Variants in MFSD1 observed in about 807,000 individuals in gnomAD.
The protein encoded by MFSD1 is major facilitator superfamily domain containing 1, also known as lysosomal dipeptide transporter MFSD1.
Under a neutral mutation model 67.1 loss-of-function variants are expected in MFSD1, and 59 were observed. The observed-to-expected ratio is 0.88, with a 90% CI of 0.71 to 1.09. The LOEUF (loss-of-function observed/expected upper bound fraction) is 1.09, where lower values mean the gene tolerates loss of function less well. Ranked by LOEUF, MFSD1 falls within the 50% of genes least tolerant of loss-of-function variation. The probability of loss-of-function intolerance (pLI) is 0.00; values close to 1 mark genes in which losing one functional copy is unlikely to be tolerated. For synonymous variants in MFSD1, 213 were observed against 200.3 expected (o/e 1.06, Z -0.54); for missense variants, 552 against 566.1 (o/e 0.97, Z 0.25).
chr3:158,828,637 C>G (rs1393707051), intron 15 of MFSD1, among the ~76,000 whole-genome samples: 1 of 152,006 alleles, frequency 6.6e-6, no homozygotes, highest in East Asian at 1.9e-4. Context: ...GATAAAAATG[C>G]AAATATAATA....
At chr3:158,823,903 G>A (rs1366677490) in intron 12 of MFSD1, among the ~76,000 whole-genome samples, 2 of 152,130 alleles carry the variant, frequency 1.3e-5, no homozygotes, top group African/African-American at 2.4e-5. Context: ...AATCCACATT[G>A]CACTTAATGA....
chr3:158,816,087 T>TCCTC (rs1273854466), intron 7 of MFSD1, among the ~76,000 whole-genome samples: 2 of 152,054 alleles, frequency 1.3e-5, no homozygotes, highest in African/African-American at 4.8e-5. Context: ...AAGTCTTTGC[T>TCCTC]ATTGTGAATA....
rs771608743 is a variant in MFSD1 at position 158,822,066 on chromosome 3, C to A, written c.1003C>A (p.Leu335Ile). Residue 335 changes from leucine to isoleucine, a missense_variant, in exon 11 of 16, where the codon CTT (leucine) becomes ATT (isoleucine). Leu to Ile is a conservative substitution (Grantham distance 5). Coordinates refer to ENST00000415822, the MANE Select transcript of MFSD1 (RefSeq NM_022736.4). Reference sequence around the variant, plus strand: ...AACAGGGAAGAACATCATCTGGGTTCTTTGCGCAGTAGCAGCCACTCTTGT... The same window carrying A: ...AACAGGGAAGAACATCATCTGGGTTATTTGCGCAGTAGCAGCCACTCTTGT... Reference protein sequence around the residue: ...DKTGKNIIWVLCAVAATLVSH... With the variant: ...DKTGKNIIWVICAVAATLVSH... 8 of 1,613,864 alleles carry A rather than the reference C, an allele frequency of 5.0e-6. 1 individual carries two copies. The highest frequency in any genetic ancestry group is 1.3e-5 in the African/African-American group (1 of 74,904).
chr3:158,819,068 C>T (rs983199099), intron 7 of MFSD1, among the ~76,000 whole-genome samples: 2 of 152,084 alleles, frequency 1.3e-5, no homozygotes, highest in East Asian at 1.9e-4. Flanking sequence ...AGAAGTGTAT[C>T]GTTATTCACT....
chr3:158,816,513 T>TA (rs1730355131), intron 7 of MFSD1, among the ~76,000 whole-genome samples: 1 of 152,170 alleles, frequency 6.6e-6, no homozygotes, highest in Non-Finnish European at 1.5e-5. Flanking sequence ...TTTTTTCTTG[T>TA]AAATTTGTTT....
chr3:158,827,409 T>G, intron 15 of MFSD1, 72 bp downstream of exon 15: 1 of 863,466 alleles, frequency 1.2e-6, no homozygotes, highest in South Asian at 2.0e-5. Flanking sequence ...TTTCAAGGTT[T>G]GGGCTTTGAA....
intron 8 of MFSD1, 150 bp from the exon 9 acceptor site, chr3:158,820,065 A>G: frequency 1.8e-6 from 1 of 568,042 alleles, no homozygotes; most frequent in South Asian, 2.6e-5. Flanking sequence ...TATCCCAGAA[A>G]TGATGTTTGT....
At position 158,820,285 on chromosome 3, in the gene MFSD1, C is replaced by T. The variant is rs144142693; in HGVS notation, c.822C>T (p.Val274=). Residue 274 remains valine (V), a synonymous_variant, in exon 9 of 16, where the codon GTC becomes GTT. Coordinates refer to ENST00000415822, the MANE Select transcript of MFSD1 (RefSeq NM_022736.4). The part of the protein sequence containing the change: ...LPLWLIFIIC[V]CYYVAVFPFI... ...TGTGGCTTATATTTATCATCTGTGT[C>T]TGCTATTATGTTGCTGTGTTCCCTT... 2.9e-5 allele frequency: 46 copies of T among 1,611,088 alleles called. No homozygotes were observed. The African/African-American group carries it at 5.7e-4, about 20-fold the overall frequency.
intron 5 of MFSD1, 97 bp downstream of exon 5, chr3:158,807,560 C>A: frequency 1.0e-6 from 1 of 991,830 alleles, no homozygotes; most frequent in Non-Finnish European, 1.5e-6. Context: ...TGGGGAATTA[C>A]TTCAAATCTT....
In MFSD1 at chr3:158,809,302, A is replaced by G. The variant is rs1312132917; in HGVS notation, c.549+15A>G. On this transcript the variant is annotated intron_variant, in intron 6 of 15. Coordinates refer to ENST00000415822, the MANE Select transcript of MFSD1 (RefSeq NM_022736.4). ...TGGCTAGAATTGTAAGTATAATGAA[A>G]AGCCTGATGAAGCCAAATGGAAGCA... 2 of 1,466,424 alleles carry G rather than the reference A, an allele frequency of 1.4e-6. No homozygotes were observed. Among genetic ancestry groups the G allele is most frequent in the Non-Finnish European group, 1.9e-6 (2 of 1,068,416 alleles). The allele number at this position is 1,466,424 out of a possible 1,614,324, so 90.8% of individuals were successfully genotyped here.
In MFSD1 at chr3:158,802,114, G is replaced by T; in HGVS notation, c.-39G>T. ...GCGCTGCTTCCTGCCTGGGTTTGGA[G>T]TTGTCACCACTTTCCCCTCTCCGTC... On this transcript the variant is annotated 5_prime_UTR_variant, in exon 1 of 16. Coordinates refer to ENST00000415822, the MANE Select transcript of MFSD1 (RefSeq NM_022736.4). The T allele has an allele frequency of 1.2e-6, 2 of 1,607,340 alleles. No individual in the cohort carries two copies. Among genetic ancestry groups the T allele is most frequent in the Non-Finnish European group, 1.7e-6 (2 of 1,178,256 alleles).
In MFSD1 at chr3:158,823,616, T is replaced by A. The variant is rs971098935; in HGVS notation, c.1175+91T>A. 7.2e-6 allele frequency: 7 copies of A among 974,066 alleles called. No individual in the cohort carries two copies. The African/African-American group carries it at 1.1e-4, about 16-fold the overall frequency. The allele number at this position is 974,066 out of a possible 1,614,324, so 60.3% of individuals were successfully genotyped here. A position where few individuals can be genotyped will look rare whatever the true frequency, so the allele number is the denominator to read the frequency against. ...ACTCCAGATCTGAATCTAGTCGTCATCCAGCCTCTGGGGTAGCGCTGAACC... is the reference window on the plus strand; with the variant it reads ...ACTCCAGATCTGAATCTAGTCGTCAACCAGCCTCTGGGGTAGCGCTGAACC... On this transcript the variant is annotated intron_variant, in intron 12 of 15. Transcript: ENST00000415822.
chr3:158,804,425 G>A (rs543099828), intron 2 of MFSD1, 54 bp downstream of exon 2: 11 of 1,458,144 alleles, frequency 7.5e-6, no homozygotes, highest in African/African-American at 1.4e-5. Context: ...CAAGTGTAGC[G>A]GTGGAGGCAT....
At chr3:158,823,752 A>G (rs962768502) in intron 12 of MFSD1, among the ~76,000 whole-genome samples, 2 of 152,200 alleles carry the variant, frequency 1.3e-5, no homozygotes, top group Non-Finnish European at 2.9e-5. Context: ...CCTTGCTGAC[A>G]TTATAATCTC....
intron 1 of MFSD1, among the ~76,000 whole-genome samples, chr3:158,802,851 G>A (rs1275456221): frequency 6.6e-6 from 1 of 152,054 alleles, no homozygotes; most frequent in Non-Finnish European, 1.5e-5. Context: ...CAGATGGGGC[G>A]CCACCACACC....
chr3:158,825,327 T>A (rs1056147153), intron 13 of MFSD1: 2 of 152,134 alleles, frequency 1.3e-5, no homozygotes, highest in Non-Finnish European at 1.5e-5. Context: ...CTTGGCTGGT[T>A]TTTAAATTTT....
At chr3:158,814,786 T>A (rs758790957) in intron 7 of MFSD1, among the ~76,000 whole-genome samples, 12 of 152,110 alleles carry the variant, frequency 7.9e-5, no homozygotes, top group South Asian at 4.1e-4. Context: ...AAGATGTTAA[T>A]TAAAAGTTTA....
At chr3:158,802,345 CT>C (rs776635873) in intron 1 of MFSD1, 30 bp downstream of exon 1, 59 of 1,609,732 alleles carry the variant, frequency 3.7e-5, no homozygotes, top group Admixed American at 5.0e-5. Context: ...TGGGGCTGAT[CT>C]TTAAGGAATT....
intron 13 of MFSD1, 130 bp downstream of exon 13, chr3:158,824,366 T>C: frequency 1.5e-6 from 1 of 686,088 alleles, no homozygotes. Context: ...CTGGTGACTT[T>C]CTAGCCCTCT....
Sources: gnomAD v4.1 joint callset for allele counts (sites outside exome capture counted in the v4.1 genomes callset) on GRCh38, gnomAD v4.1.1 for gene constraint, MANE v1.5 for transcripts, NCBI Gene and HGNC (gene_info 2026-07-23, HGNC 2026-07-21) for gene names.